The following VRK2 variants were observed in gnomAD, a reference collection of about 807,000 sequenced individuals.
The protein encoded by VRK2 is serine/threonine-protein kinase VRK2.
A neutral mutation model predicts 57.6 loss-of-function variants in VRK2; 60 were observed. The observed-to-expected ratio is 1.04, with a 90% CI of 0.85 to 1.29. VRK2 has a LOEUF of 1.29. Ranked by LOEUF, VRK2 falls within the 50% of genes most tolerant of loss-of-function variation. The pLI, the probability that VRK2 is intolerant of heterozygous loss-of-function variation, is 0.00. For missense variants in VRK2, 705 were observed against 588.1 expected (o/e 1.20, Z -2.06); for synonymous variants, 231 against 199.2 (o/e 1.16, Z -1.35).
chr2:57,980,989 G>T (rs1253681418), intron 1 of VRK2, among the ~76,000 whole-genome samples: 1 of 152,024 alleles, frequency 6.6e-6, no homozygotes, highest in Non-Finnish European at 1.5e-5. Context: ...TATCCAACTT[G>T]CCACTGTGTC....
chr2:58,105,496 T>A (rs756419880), intron 7 of VRK2, among the ~76,000 whole-genome samples: 10 of 151,868 alleles, frequency 6.6e-5, no homozygotes, highest in Non-Finnish European at 1.3e-4. Flanking sequence ...CCAACTGAGA[T>A]ATCATCTTAT....
chr2:58,074,904 CTATTT>C (rs1373579887), intron 2 of VRK2, among the ~76,000 whole-genome samples: 1 of 151,864 alleles, frequency 6.6e-6, no homozygotes, highest in Non-Finnish European at 1.5e-5. Flanking sequence ...AGTTTCTTTC[CTATTT>C]TATTTTAAGT....
At chr2:57,952,204 T>G (rs1671449598) in intron 1 of VRK2, among the ~76,000 whole-genome samples, 2 of 152,152 alleles carry the variant, frequency 1.3e-5, no homozygotes, top group Non-Finnish European at 2.9e-5. Context: ...AACTTTTATA[T>G]GCACTGGGAA....
intron 7 of VRK2, among the ~76,000 whole-genome samples, chr2:58,119,183 G>A (rs913101054): frequency 6.6e-6 from 1 of 152,002 alleles, no homozygotes; most frequent in African/African-American, 2.4e-5. Context: ...GCTTATTTCT[G>A]AGGCCTTTCA....
chr2:58,062,489 C>G (rs1677494568), intron 2 of VRK2, among the ~76,000 whole-genome samples: 1 of 152,038 alleles, frequency 6.6e-6, no homozygotes, highest in South Asian at 2.1e-4. Context: ...AGGTTAAAGG[C>G]TAGGCCTCTT....
At chr2:57,992,006 T>C (rs1672784255) in intron 1 of VRK2, among the ~76,000 whole-genome samples, 1 of 151,870 alleles carries the variant, frequency 6.6e-6, no homozygotes, top group Admixed American at 6.6e-5. Context: ...AATGTCTTTA[T>C]TATTTTATCT....
intron 1 of VRK2, among the ~76,000 whole-genome samples, chr2:57,976,384 T>C (rs1428775767): frequency 6.6e-6 from 1 of 152,152 alleles, no homozygotes; most frequent in East Asian, 1.9e-4. Flanking sequence ...CAGCAGAGTA[T>C]AAGTATTCCC....
intron 1 of VRK2, among the ~76,000 whole-genome samples, chr2:57,991,126 A>C (rs1041807889): frequency 5.3e-5 from 8 of 152,214 alleles, no homozygotes; most frequent in African/African-American, 1.9e-4. Flanking sequence ...TATATTTATC[A>C]GTGAACCCAT....
chr2:58,071,014 T>A (rs765813374), intron 2 of VRK2, among the ~76,000 whole-genome samples: 1 of 152,182 alleles, frequency 6.6e-6, no homozygotes, highest in East Asian at 1.9e-4. Context: ...TTCTAATAGA[T>A]GTGTAGTTGT....
At chr2:58,103,111 T>C (rs1674243466) in intron 7 of VRK2, among the ~76,000 whole-genome samples, 1 of 151,326 alleles carries the variant, frequency 6.6e-6, no homozygotes, top group South Asian at 2.1e-4. Flanking sequence ...GTTTATATCT[T>C]TAAGTGTGTA....
chr2:57,969,280 A>C (rs540321541), intron 1 of VRK2, among the ~76,000 whole-genome samples: 1 of 152,134 alleles, frequency 6.6e-6, no homozygotes, highest in Non-Finnish European at 1.5e-5. Flanking sequence ...AACATATACA[A>C]TTTTCATCTT....
chr2:58,149,410 T>G (rs1025758637), intron 12 of VRK2, among the ~76,000 whole-genome samples: 1 of 151,730 alleles, frequency 6.6e-6, no homozygotes, highest in Non-Finnish European at 1.5e-5. Flanking sequence ...AATGTACTTA[T>G]TAGTTCCAAT....
chr2:58,002,207 G>A (rs998331024), intron 1 of VRK2, among the ~76,000 whole-genome samples: 7 of 152,210 alleles, frequency 4.6e-5, no homozygotes, highest in South Asian at 2.1e-4. Flanking sequence ...AAGGCTGGGC[G>A]TGGTGGTTCA....
Position 58,123,137 on chromosome 2 carries a change from TGTCCCAATG to T in VRK2, c.582_590del (p.Cys194_Gly197delinsTrp). 1 of 1,600,502 alleles carries T rather than the reference TGTCCCAATG, an allele frequency of 6.2e-7. No individual in the cohort carries two copies. Among genetic ancestry groups the T allele is most frequent in the Non-Finnish European group, 8.5e-7 (1 of 1,176,194 alleles). The stretch of plus-strand genomic sequence containing the variant: ...AGATTATGGACTTTCCTACAGATAT[TGTCCCAATG>T]GGAACCACAAACAGTATCAGGAAAA... On this transcript the variant is annotated inframe_deletion, in exon 8 of 13. Transcript: ENST00000340157.
intron 7 of VRK2, among the ~76,000 whole-genome samples, chr2:58,117,658 G>A (rs921500867): frequency 8.5e-5 from 13 of 152,110 alleles, no homozygotes; most frequent in Admixed American, 5.9e-4. Context: ...CCCCTTTTAC[G>A]ACAAGAATTA....
At chr2:58,084,226 A>C in intron 3 of VRK2, 88 bp downstream of exon 3, 1 of 1,350,540 alleles carries the variant, frequency 7.4e-7, no homozygotes, top group Non-Finnish European at 1.0e-6. Context: ...AATTTTTGTA[A>C]CTATTGCCTT....
chr2:58,046,819 C>G lies in VRK2; in HGVS notation c.-55C>G. ...CGGGGGCTCCGCCTCGTCGCAGCGG[C>G]AGGTAGGAGGCGGTGCGCGCGGCCC... On this transcript the variant is annotated 5_prime_UTR_variant, in exon 1 of 13. Transcript: ENST00000340157. The G allele has an allele frequency of 1.0e-6, 1 of 985,638 alleles. No homozygotes were observed. Among genetic ancestry groups the G allele is most frequent in the Non-Finnish European group, 1.2e-6 (1 of 830,102 alleles). 61.1% of individuals were successfully genotyped at this position (985,638 alleles called of 1,614,324 possible).
chr2:58,001,839 T>G (rs1046654923), intron 1 of VRK2, among the ~76,000 whole-genome samples: 1 of 151,874 alleles, frequency 6.6e-6, no homozygotes, highest in Admixed American at 6.6e-5. Context: ...ATAAAAATAG[T>G]AGTAGTAATA....
chr2:58,039,542 A>C (rs1394911273), intron 3 of VRK2, among the ~76,000 whole-genome samples: 1 of 151,834 alleles, frequency 6.6e-6, no homozygotes, highest in Non-Finnish European at 1.5e-5. Context: ...TCCTGAGATC[A>C]CTCCTTGTCT....
Sources: gnomAD v4.1 joint callset for allele counts (sites outside exome capture counted in the v4.1 genomes callset) on GRCh38, gnomAD v4.1.1 for gene constraint, MANE v1.5 for transcripts, NCBI Gene and HGNC (gene_info 2026-07-23, HGNC 2026-07-21) for gene names.